The following CFAP95 variants were observed in gnomAD, a reference collection of about 807,000 sequenced individuals.
CFAP95 encodes the protein cilia and flagella associated protein 95.
the CFAP95 span, among the ~76,000 whole-genome samples, chr9:69,895,029 G>A: frequency 6.6e-6 from 1 of 151,898 alleles, no homozygotes; most frequent in Non-Finnish European, 1.5e-5. Context: ...GGGTTAGACA[G>A]TGTGATGGTT....
At chr9:69,828,011 T>G in the CFAP95 span, among the ~76,000 whole-genome samples, 1 of 152,230 alleles carries the variant, frequency 6.6e-6, no homozygotes, top group African/African-American at 2.4e-5. Context: ...TTCTAAAGTG[T>G]TCTTCAGAAG....
At chr9:69,863,367 A>G in the CFAP95 span, among the ~76,000 whole-genome samples, 1 of 152,222 alleles carries the variant, frequency 6.6e-6, no homozygotes, top group Non-Finnish European at 1.5e-5. Flanking sequence ...AAAAGTAACG[A>G]GAGGCACATT....
chr9:69,856,840 GT>G, the CFAP95 span, among the ~76,000 whole-genome samples: 1 of 150,566 alleles, frequency 6.6e-6, no homozygotes, highest in South Asian at 2.1e-4. Context: ...CTGTTTGGGA[GT>G]TTCTTTTCGT....
the CFAP95 span, among the ~76,000 whole-genome samples, chr9:69,845,962 G>T: frequency 6.6e-6 from 1 of 152,098 alleles, no homozygotes; most frequent in African/African-American, 2.4e-5. Context: ...GCCCAACTCA[G>T]TCAACATCCA....
At chr9:69,880,614 C>A in the CFAP95 span, among the ~76,000 whole-genome samples, 2 of 152,196 alleles carry the variant, frequency 1.3e-5, no homozygotes, top group African/African-American at 4.8e-5. Flanking sequence ...AGTGCTGCAA[C>A]AAACTTGGGA....
chr9:69,868,238 G>A, the CFAP95 span, among the ~76,000 whole-genome samples: 1 of 150,712 alleles, frequency 6.6e-6, no homozygotes, highest in African/African-American at 2.4e-5. Flanking sequence ...AAAACATAGA[G>A]GAAAACCTTC....
the CFAP95 span, among the ~76,000 whole-genome samples, chr9:69,831,270 T>A: frequency 1.3e-5 from 2 of 152,154 alleles, no homozygotes; most frequent in South Asian, 4.1e-4. Context: ...AGTGATAGGA[T>A]AAAATTTTTT....
the CFAP95 span, chr9:69,886,933 A>G: frequency 1.3e-6 from 2 of 1,522,336 alleles, no homozygotes; most frequent in Non-Finnish European, 9.1e-7. Context: ...CTATTTGTGT[A>G]CTTGAAATGA....
At chr9:69,873,931 C>A in the CFAP95 span, among the ~76,000 whole-genome samples, 1 of 152,208 alleles carries the variant, frequency 6.6e-6, no homozygotes, top group Non-Finnish European at 1.5e-5. Flanking sequence ...TTTATGATAA[C>A]TCCATTATCA....
the CFAP95 span, among the ~76,000 whole-genome samples, chr9:69,825,516 G>T: frequency 1.3e-5 from 2 of 152,156 alleles, no homozygotes; most frequent in Non-Finnish European, 2.9e-5. Flanking sequence ...CAACTGAAGT[G>T]GTCGATAGAG....
the CFAP95 span, among the ~76,000 whole-genome samples, chr9:69,831,808 G>A: frequency 6.6e-6 from 1 of 152,068 alleles, no homozygotes; most frequent in African/African-American, 2.4e-5. Flanking sequence ...TTGGAAATAC[G>A]TGTGGGCATT....
At chr9:69,857,085 C>T in the CFAP95 span, among the ~76,000 whole-genome samples, 11 of 152,118 alleles carry the variant, frequency 7.2e-5, no homozygotes, top group East Asian at 3.9e-4. Context: ...GAAATTTAGA[C>T]GAAATAAAGT....
the CFAP95 span, among the ~76,000 whole-genome samples, chr9:69,887,458 T>C: frequency 6.6e-6 from 1 of 152,224 alleles, no homozygotes; most frequent in Non-Finnish European, 1.5e-5. Flanking sequence ...AATAGTATAA[T>C]TATCTATTCA....
the CFAP95 span, among the ~76,000 whole-genome samples, chr9:69,878,129 CAT>C: frequency 2.0e-5 from 3 of 152,144 alleles, no homozygotes; most frequent in Non-Finnish European, 4.4e-5. Context: ...GGTGGTGAAA[CAT>C]AGGAGGGAGT....
the CFAP95 span, chr9:69,905,958 A>G: frequency 6.3e-7 from 1 of 1,598,298 alleles, no homozygotes; most frequent in Non-Finnish European, 8.5e-7. Context: ...CCATAGGCTT[A>G]TCCCTGTCAA....
chr9:69,830,688 C>T, the CFAP95 span, among the ~76,000 whole-genome samples: 3 of 152,176 alleles, frequency 2.0e-5, no homozygotes, highest in East Asian at 5.8e-4. Flanking sequence ...CACTTTGTCA[C>T]CCAGATTGGA....
At chr9:69,825,850 A>G in the CFAP95 span, among the ~76,000 whole-genome samples, 1 of 152,122 alleles carries the variant, frequency 6.6e-6, no homozygotes, top group Non-Finnish European at 1.5e-5. Flanking sequence ...AGCAAAACAA[A>G]TTCATTGGGA....
the CFAP95 span, among the ~76,000 whole-genome samples, chr9:69,868,326 A>C: frequency 6.8e-6 from 1 of 147,574 alleles, no homozygotes; most frequent in African/African-American, 2.5e-5. Context: ...AAAAATAAAC[A>C]AACAAAAATG....
the CFAP95 span, among the ~76,000 whole-genome samples, chr9:69,877,322 C>T: frequency 6.6e-6 from 1 of 152,134 alleles, no homozygotes; most frequent in South Asian, 2.1e-4. Context: ...TTCATAGAGT[C>T]ATATGACTAT....
Sources: allele counts gnomAD v4.1 joint callset (sites outside exome capture counted in the v4.1 genomes callset), GRCh38; gene constraint gnomAD v4.1.1; transcripts MANE v1.5; gene names NCBI Gene and HGNC (gene_info 2026-07-23, HGNC 2026-07-21).